RANGAP1: variants seen among roughly 807,000 people sequenced by gnomAD.
RANGAP1 encodes ran GTPase-activating protein 1.
Under a neutral mutation model 63.5 loss-of-function variants are expected in RANGAP1, and 38 were observed. The ratio of observed to expected loss-of-function variants is 0.60; its 90% confidence interval spans 0.46 to 0.78. The LOEUF (loss-of-function observed/expected upper bound fraction) is 0.78. Ranked by LOEUF, RANGAP1 falls within the 30% of genes least tolerant of loss-of-function variation. The probability of loss-of-function intolerance (pLI) is 0.00; values close to 1 mark genes in which losing one functional copy is unlikely to be tolerated. For missense variants in RANGAP1, 630 were observed against 740.3 expected (o/e 0.85, Z 1.73); for synonymous variants, 329 against 310.5 (o/e 1.06, Z -0.63).
At chr22:41,265,988 G>T (rs1418294530) in intron 4 of RANGAP1, among the ~76,000 whole-genome samples, 1 of 151,934 alleles carries the variant, frequency 6.6e-6, no homozygotes, top group African/African-American at 2.4e-5. Context: ...GGATCACGAG[G>T]TCGGGAGATC....
upstream of RANGAP1, among the ~76,000 whole-genome samples, chr22:41,287,453 C>T (rs151309050): frequency 1.1e-4 from 16 of 145,966 alleles, no homozygotes; most frequent in East Asian, 2.8e-3. Flanking sequence ...GGATTATAGG[C>T]GAGAGAGTGT....
rs1350290045 is a variant in RANGAP1 at position 41,252,887 on chromosome 22, C to T, written c.1365G>A (p.Val455=). ...KLLRLGPKSS[V]LIAQQTDTSD... is the part of the protein sequence containing the mutation. ...TGGTTATTACCTGCTGGGCTATCAG[C>T]ACGGAGCTCTTGGGCCCTAGGCGCA... Residue 455 remains valine, a synonymous_variant, in exon 12 of 16, where the codon GTG becomes GTA. Coordinates refer to ENST00000356244, the MANE Select transcript of RANGAP1 (RefSeq NM_002883.4). 6.4e-7 allele frequency: 1 copy of T among 1,574,560 alleles called. No individual in the cohort carries two copies. Among genetic ancestry groups the T allele is most frequent in the Admixed American group, 1.8e-5 (1 of 54,256 alleles).
chr22:41,281,297 G>A, intron 1 of RANGAP1: 1 of 772,542 alleles, frequency 1.3e-6, no homozygotes, highest in Non-Finnish European at 1.8e-6. Flanking sequence ...TCATGTCTTA[G>A]CCTATAAGAA....
chr22:41,284,529 T>C (rs1028912651), intron 1 of RANGAP1, among the ~76,000 whole-genome samples: 4 of 151,156 alleles, frequency 2.6e-5, no homozygotes, highest in African/African-American at 7.3e-5. Context: ...ATCGTGGCAT[T>C]GCACTCCAAC....
chr22:41,252,923 T>C lies in RANGAP1; in HGVS notation c.1329A>G (p.Pro443=). The change falls in exon 12 of 16, where the codon CCA becomes CCG. Residue 443 remains proline, a synonymous_variant. Transcript: ENST00000356244. ...DVSTFLAFPS[P]EKLLRLGPKS... is the part of the protein sequence containing the mutation. Reference sequence around the variant, plus strand: ...TGGGCCCTAGGCGCAGCAGCTTCTCTGGAGAGGGAAAAGCCAGGAAGGTGG... The same window carrying C: ...TGGGCCCTAGGCGCAGCAGCTTCTCCGGAGAGGGAAAAGCCAGGAAGGTGG... 2 of 1,565,810 alleles carry C rather than the reference T, an allele frequency of 1.3e-6. No homozygotes were observed. Among genetic ancestry groups the C allele is most frequent in the Non-Finnish European group, 1.7e-6 (2 of 1,159,072 alleles).
intron 1 of RANGAP1, 161 bp from the exon 2 acceptor site, chr22:41,281,243 G>A: frequency 1.1e-6 from 1 of 937,788 alleles, no homozygotes. Flanking sequence ...ATCAGAGAAG[G>A]AACAGTTCTA....
chr22:41,298,444 A>G, the RANGAP1 span, among the ~76,000 whole-genome samples: 1 of 151,710 alleles, frequency 6.6e-6, no homozygotes, highest in African/African-American at 2.4e-5. Flanking sequence ...CCTCCTGAGG[A>G]GCTGGGATTA....
At chr22:41,273,493 C>A (rs879588352) in intron 3 of RANGAP1, among the ~76,000 whole-genome samples, 1 of 152,074 alleles carries the variant, frequency 6.6e-6, no homozygotes, top group Non-Finnish European at 1.5e-5. Flanking sequence ...GCCAGCCGCA[C>A]GCAGTGGCTC....
intron 13 of RANGAP1, 59 bp downstream of exon 13, chr22:41,250,948 C>T (rs2033401365): frequency 7.1e-7 from 1 of 1,416,172 alleles, no homozygotes; most frequent in Non-Finnish European, 9.9e-7. Flanking sequence ...CGAAGGATAC[C>T]TGGGGCCCAC....
At position 41,280,998 on chromosome 22, in the gene RANGAP1, G is replaced by C. The variant is rs1368460385; in HGVS notation, c.47C>G (p.Thr16Ser). The change falls in exon 2 of 16, where the codon ACT (threonine) becomes AGT (serine). Residue 16 changes from threonine to serine, a missense_variant. Thr to Ser is a moderately conservative substitution (Grantham distance 58, BLOSUM62 1). Transcript: ENST00000356244. Reference protein sequence around the residue: ...IAKLAETLAKTQVAGGQLSFK... With the variant: ...IAKLAETLAKSQVAGGQLSFK... The stretch of plus-strand genomic sequence containing the variant: ...ACTCAGCTGTCCCCCGGCCACCTGA[G>C]TCTTGGCAAGTGTCTCTGCCAGCTT... 1 of 1,612,920 alleles carries C rather than the reference G, an allele frequency of 6.2e-7. No individual in the cohort carries two copies. The highest frequency in any genetic ancestry group is 2.2e-5 in the East Asian group (1 of 44,882).
chr22:41,254,233 C>A, intron 11 of RANGAP1, 75 bp downstream of exon 11: 1 of 1,546,422 alleles, frequency 6.5e-7, no homozygotes, highest in Non-Finnish European at 8.9e-7. Context: ...CACCCCCTAC[C>A]CCATTGTGAA....
In RANGAP1 at chr22:41,244,931, C is replaced by T. The variant is rs1373490947; in HGVS notation, c.*1672G>A. On this transcript the variant is annotated 3_prime_UTR_variant, in exon 16 of 16. Transcript: ENST00000356244. The stretch of plus-strand genomic sequence containing the variant: ...TCCCTATTCCACCCTTCCCCTAGCC[C>T]TGGCAACCTCTACCTTCTTGTCTCT... Among the ~76,000 whole-genome samples, 2 of 152,208 alleles carry T rather than the reference C, an allele frequency of 1.3e-5. No individual in the cohort carries two copies. Among genetic ancestry groups the T allele is most frequent in the Non-Finnish European group, 1.5e-5 (1 of 68,042 alleles).
the RANGAP1 span, among the ~76,000 whole-genome samples, chr22:41,297,037 C>A: frequency 6.6e-6 from 1 of 152,120 alleles, no homozygotes; most frequent in Non-Finnish European, 1.5e-5. Flanking sequence ...ACGGTGAAAA[C>A]CGTTACTACC....
chr22:41,253,173 G>T, intron 11 of RANGAP1, 182 bp from the exon 12 acceptor site: 1 of 609,366 alleles, frequency 1.6e-6, no homozygotes, highest in Non-Finnish European at 2.3e-6. Flanking sequence ...AGAGATGCTG[G>T]CCCTGGATGG....
chr22:41,271,707 AAG>A (rs1214988815), intron 3 of RANGAP1, among the ~76,000 whole-genome samples: 1 of 151,750 alleles, frequency 6.6e-6, no homozygotes, highest in Non-Finnish European at 1.5e-5. Context: ...AAAAAAAAAA[AAG>A]AGCTTGGGCT....
chr22:41,250,947 C>A, intron 13 of RANGAP1, 60 bp downstream of exon 13: 2 of 1,411,548 alleles, frequency 1.4e-6, no homozygotes, highest in Admixed American at 1.8e-5. Context: ...ACGAAGGATA[C>A]CTGGGGCCCA....
At chr22:41,250,888 C>T in intron 13 of RANGAP1, 119 bp downstream of exon 13, 1 of 780,274 alleles carries the variant, frequency 1.3e-6, no homozygotes, top group Non-Finnish European at 2.1e-6. Context: ...CTCAGGTGGC[C>T]AAAGAGCAGT....
chr22:41,287,379 T>TG (rs1174015642), upstream of RANGAP1, among the ~76,000 whole-genome samples: 4 of 130,864 alleles, frequency 3.1e-5, no homozygotes, highest in Non-Finnish European at 6.9e-5. Context: ...GCGTTTTTTT[T>TG]TTGTTTTTTT....
At chr22:41,302,285 G>A in the RANGAP1 span, among the ~76,000 whole-genome samples, 2 of 151,838 alleles carry the variant, frequency 1.3e-5, no homozygotes, top group Admixed American at 6.6e-5. The surrounding 1 kb of genome is among the most constrained non-coding windows in gnomAD (Gnocchi z 5.7). Context: ...GCCGGGGAGC[G>A]GGGCCGCCCG....
Sources: allele counts gnomAD v4.1 joint callset (sites outside exome capture counted in the v4.1 genomes callset), GRCh38; gene constraint gnomAD v4.1.1; non-coding constraint Gnocchi (gnomAD v3.1); transcripts MANE v1.5; gene names NCBI Gene and HGNC (gene_info 2026-07-23, HGNC 2026-07-21).